The following GRIN2B variants were observed in gnomAD, a reference collection of about 807,000 sequenced individuals.
The protein encoded by GRIN2B is glutamate ionotropic receptor NMDA type subunit 2B.
In GRIN2B, 5 loss-of-function variants were observed where a neutral mutation model predicts 114.5. The ratio of observed to expected loss-of-function variants is 0.04; its 90% CI spans 0.02 to 0.09. GRIN2B has a LOEUF of 0.09. Ranked by LOEUF, GRIN2B falls within the 10% of genes least tolerant of loss-of-function variation. The pLI, the probability that GRIN2B is intolerant of heterozygous loss-of-function variation, is 1.00. For missense variants in GRIN2B, 1,108 were observed against 1,943.5 expected (o/e 0.57, Z 8.08); for synonymous variants, 787 against 745.1 (o/e 1.06, Z -0.92).
intron 5 of GRIN2B, among the ~76,000 whole-genome samples, chr12:13,630,556 A>G (rs1274129930): frequency 2.0e-5 from 3 of 152,138 alleles, no homozygotes; most frequent in African/African-American, 7.2e-5. Flanking sequence ...ACAATGCTGA[A>G]AAAACTTGGG....
At chr12:13,648,636 G>C (rs546681943) in intron 5 of GRIN2B, among the ~76,000 whole-genome samples, 9 of 151,832 alleles carry the variant, frequency 5.9e-5, no homozygotes, top group African/African-American at 1.9e-4. Context: ...CAATAGGCAG[G>C]GTCCAGTTGA....
intron 4 of GRIN2B, among the ~76,000 whole-genome samples, chr12:13,739,208 C>T (rs1863235275): frequency 4.6e-5 from 7 of 151,778 alleles, no homozygotes; most frequent in Admixed American, 4.6e-4. Flanking sequence ...TGGAAAAACC[C>T]TGTCTCTACT....
chr12:13,864,173 T>C (rs980474456), intron 3 of GRIN2B, among the ~76,000 whole-genome samples: 4 of 152,184 alleles, frequency 2.6e-5, no homozygotes, highest in African/African-American at 9.6e-5. Context: ...GTTTCTCATA[T>C]GATACTGGAA....
At chr12:13,955,711 A>G (rs1051615803) in intron 2 of GRIN2B, among the ~76,000 whole-genome samples, 7 of 152,148 alleles carry the variant, frequency 4.6e-5, no homozygotes, top group African/African-American at 1.7e-4. Context: ...TATGGCATAC[A>G]ATACTTTGAA....
intron 2 of GRIN2B, among the ~76,000 whole-genome samples, chr12:13,903,156 C>T: frequency 6.6e-6 from 1 of 152,072 alleles, no homozygotes; most frequent in East Asian, 1.9e-4. Context: ...CCTTACCAGA[C>T]ATTTGTAAAT....
At position 13,548,439 on chromosome 12, in the gene GRIN2B, T is replaced by G. The variant is rs1411762488; in HGVS notation, c.*14344A>C. ...TGGTTTCAATCAAATAATTCTCCAT[T>G]CATGCCCTCAGAGTCCCCAAGAATC... On this transcript the variant is annotated 3_prime_UTR_variant, in exon 14 of 14. Transcript: ENST00000609686. The G allele has an allele frequency of 6.6e-6, 1 of 150,740 alleles. No individual in the cohort carries two copies. The highest frequency in any genetic ancestry group is 6.7e-5 in the Admixed American group (1 of 14,928). The allele number at this position is 150,740 out of a possible 1,614,324, so 9.3% of individuals were successfully genotyped here.
chr12:13,607,408 AAATATATAATAT>A lies in GRIN2B; in HGVS notation c.2010+1183_2010+1194del, dbSNP rs1949292407. ...TAATATATATTATATATAATATATA[AAATATATAATAT>A]ATATTATATATAATATATATTATAT... On this transcript the variant is annotated intron_variant, in intron 10 of 13. Coordinates refer to ENST00000609686, the MANE Select transcript of GRIN2B (RefSeq NM_000834.5). Among the ~76,000 whole-genome samples, 5 of 56,650 alleles carry A rather than the reference AAATATATAATAT, an allele frequency of 8.8e-5. No homozygotes were observed. In the Admixed American group the frequency reaches 1.0e-3, roughly 12 times the overall value. The allele number at this position is 56,650 out of a possible 152,430, so 37.2% of individuals were successfully genotyped here. A position where few individuals can be genotyped will look rare whatever the true frequency, so the allele number is the denominator to read the frequency against.
At chr12:13,943,332 T>C (rs925176814) in intron 2 of GRIN2B, among the ~76,000 whole-genome samples, 2 of 152,180 alleles carry the variant, frequency 1.3e-5, no homozygotes, top group Admixed American at 1.3e-4. Context: ...GTCTGAGTCA[T>C]AACTTCACAT....
chr12:13,609,034 G>A (rs543812661), intron 9 of GRIN2B, among the ~76,000 whole-genome samples: 1 of 152,276 alleles, frequency 6.6e-6, no homozygotes, highest in East Asian at 1.9e-4. Flanking sequence ...GGGTTCCTTA[G>A]GAGAAAAACC....
chr12:13,756,033 A>T (rs2284414), intron 3 of GRIN2B, among the ~76,000 whole-genome samples: 94,684 of 151,880 alleles, frequency 0.62, 31,013 homozygotes, highest in African/African-American at 0.83. Flanking sequence ...GTTCTTTTTT[A>T]TCCCCCCAGA....
rs1220189704 is a variant in GRIN2B, at chr12:13,555,448, A to G, written c.*7335T>C. 1.3e-5 allele frequency: 2 copies of G among 152,208 alleles called. No homozygotes were observed. The highest frequency in any genetic ancestry group is 4.8e-5 in the African/African-American group (2 of 41,452). The allele number at this position is 152,208 out of a possible 1,614,324, so 9.4% of individuals were successfully genotyped here. On this transcript the variant is annotated 3_prime_UTR_variant, in exon 14 of 14. Transcript: ENST00000609686. ...AAGATAGCGATAGGACAGAAATTCA[A>G]GAGTCAAATTGGATTGAGAGATTTG...
chr12:13,770,199 T>G (rs1270302113), intron 3 of GRIN2B, among the ~76,000 whole-genome samples: 1 of 152,226 alleles, frequency 6.6e-6, no homozygotes, highest in Non-Finnish European at 1.5e-5. Context: ...AATCACATCA[T>G]TCCCCACATC....
chr12:13,867,092 T>G (rs2136748639), intron 2 of GRIN2B, among the ~76,000 whole-genome samples: 1 of 152,350 alleles, frequency 6.6e-6, no homozygotes, highest in South Asian at 2.1e-4. Context: ...TACTCCAATC[T>G]ATTTATACAC....
rs1031453954 is a variant in GRIN2B, at chr12:13,547,211, G to A, written c.*15572C>T. The A allele has an allele frequency of 6.6e-6, 1 of 152,206 alleles. No individual in the cohort carries two copies. The highest frequency in any genetic ancestry group is 2.4e-5 in the African/African-American group (1 of 41,444). The allele number at this position is 152,206 out of a possible 1,614,324, so 9.4% of individuals were successfully genotyped here. A position where few individuals can be genotyped will look rare whatever the true frequency, so the allele number is the denominator to read the frequency against. The stretch of plus-strand genomic sequence containing the variant: ...ACCAGGAGAGCTGCCAGGAGGCTGG[G>A]AGGTGAGGAAGGGTTTCCAAGTAAG... On this transcript the variant is annotated 3_prime_UTR_variant, in exon 14 of 14. Coordinates refer to ENST00000609686, the MANE Select transcript of GRIN2B (RefSeq NM_000834.5).
Position 13,872,143 on chromosome 12 carries a change from A to G in GRIN2B, c.-18-5917T>C, listed in dbSNP as rs12099959. On this transcript the variant is annotated intron_variant, in intron 2 of 13. Coordinates refer to ENST00000609686, the MANE Select transcript of GRIN2B (RefSeq NM_000834.5). ...ACGGAAAGCTTGATTCTAGATTCAGATAATTATAAGAAAAGATTATTATAA... is the reference window on the plus strand; with the variant it reads ...ACGGAAAGCTTGATTCTAGATTCAGGTAATTATAAGAAAAGATTATTATAA... Among the ~76,000 whole-genome samples, 328 of 152,286 alleles carry G rather than the reference A, an allele frequency of 2.2e-3. 2 individuals carry two copies. The highest frequency in any genetic ancestry group is 7.5e-3 in the African/African-American group (312 of 41,574).
chr12:13,811,539 C>T (rs1864730458), intron 3 of GRIN2B, among the ~76,000 whole-genome samples: 1 of 152,198 alleles, frequency 6.6e-6, no homozygotes, highest in South Asian at 2.1e-4. Flanking sequence ...CATTAAAGCG[C>T]CACTGTACTC....
chr12:13,709,895 T>C (rs1950398051), intron 4 of GRIN2B, among the ~76,000 whole-genome samples: 1 of 151,970 alleles, frequency 6.6e-6, no homozygotes, highest in African/African-American at 2.4e-5. Flanking sequence ...CATGTACCTA[T>C]CCTATAACCA....
At chr12:13,661,733 T>C (rs1364689951) in intron 5 of GRIN2B, among the ~76,000 whole-genome samples, 3 of 152,200 alleles carry the variant, frequency 2.0e-5, no homozygotes, top group Non-Finnish European at 4.4e-5. Flanking sequence ...CTGGACAGCA[T>C]GTATTCCAAC....
chr12:13,790,548 G>C (rs1419137249), intron 3 of GRIN2B, among the ~76,000 whole-genome samples: 1 of 152,236 alleles, frequency 6.6e-6, no homozygotes, highest in African/African-American at 2.4e-5. Flanking sequence ...GTTAAACACA[G>C]TGACATGAGG....
Sources: allele counts gnomAD v4.1 joint callset (sites outside exome capture counted in the v4.1 genomes callset), GRCh38; gene constraint gnomAD v4.1.1; transcripts MANE v1.5; gene names NCBI Gene and HGNC (gene_info 2026-07-23, HGNC 2026-07-21).